The following OCA2 variants were observed in gnomAD, a reference collection of about 807,000 sequenced individuals.
OCA2 encodes P protein.
OCA2 carries 77 observed loss-of-function variants against 100.2 expected under a neutral mutation model. The ratio of observed to expected loss-of-function variants is 0.77; its 90% CI spans 0.64 to 0.93. OCA2 has a LOEUF of 0.93. OCA2 is among the 40% of genes least tolerant of loss of function. The probability of loss-of-function intolerance (pLI) is 0.00; values close to 1 mark genes in which losing one functional copy is unlikely to be tolerated. For missense variants in OCA2, 1,062 were observed against 1,089.1 expected (o/e 0.98, Z 0.35); for synonymous variants, 432 against 439.2 (o/e 0.98, Z 0.21).
At chr15:27,722,906 A>T in the OCA2 span, among the ~76,000 whole-genome samples, 1 of 148,818 alleles carries the variant, frequency 6.7e-6, no homozygotes, top group Non-Finnish European at 1.5e-5. Flanking sequence ...CAGTGGCGTG[A>T]TCTTGACTCT....
chr15:28,050,288 GA>G (rs2043469577), intron 2 of OCA2, among the ~76,000 whole-genome samples: 1 of 151,708 alleles, frequency 6.6e-6, no homozygotes, highest in South Asian at 2.1e-4. Context: ...TTGTTTCACA[GA>G]AAAAAAGGAA....
rs1168047336 is a variant in OCA2 at position 28,032,122 on chromosome 15, T to G, written c.269A>C (p.Lys90Thr). ...SLPQMSSSRSKDSCFTENTPL... is the reference protein window; with the variant it reads ...SLPQMSSSRSTDSCFTENTPL... The stretch of plus-strand genomic sequence containing the variant: ...AGTGTTTTCTGTAAAGCAGGAATCT[T>G]TAGACCTGGAGCTGGACATCTGGGG... The change falls in exon 3 of 24, where the codon AAA becomes ACA. Residue 90 changes from lysine (K) to threonine (T), a missense_variant. Transcript: ENST00000354638. 6.2e-7 allele frequency: 1 copy of G among 1,614,076 alleles called. No homozygotes were observed. The highest frequency in any genetic ancestry group is 8.5e-7 in the Non-Finnish European group (1 of 1,179,972).
At chr15:27,981,685 C>A (rs1473421386) in intron 14 of OCA2, among the ~76,000 whole-genome samples, 2 of 152,246 alleles carry the variant, frequency 1.3e-5, no homozygotes, top group East Asian at 3.9e-4. Context: ...AAGCACTTGT[C>A]CCTCTCATCT....
At chr15:27,722,686 TTC>T in the OCA2 span, among the ~76,000 whole-genome samples, 227 of 146,560 alleles carry the variant, frequency 1.5e-3, 1 homozygote, top group African/African-American at 2.6e-3. Context: ...CTTTCTTTCT[TTC>T]TCTCTCTTTC....
the OCA2 span, among the ~76,000 whole-genome samples, chr15:27,743,940 CT>C: frequency 6.6e-6 from 1 of 152,202 alleles, no homozygotes; most frequent in African/African-American, 2.4e-5. Flanking sequence ...TGTCTACCAG[CT>C]GCTCCCTGGC....
At chr15:27,924,970 A>G (rs1381091117) in intron 19 of OCA2, among the ~76,000 whole-genome samples, 3 of 152,190 alleles carry the variant, frequency 2.0e-5, no homozygotes, top group Non-Finnish European at 4.4e-5. Flanking sequence ...AATAGACCCT[A>G]AGACAAAAAC....
At chr15:28,020,510 A>G (rs2042560360) in intron 6 of OCA2, among the ~76,000 whole-genome samples, 2 of 152,100 alleles carry the variant, frequency 1.3e-5, no homozygotes, top group African/African-American at 2.4e-5. Flanking sequence ...CCCCTGCGGG[A>G]AAGTCCTGCC....
At chr15:27,763,837 T>A (rs1212994897) in intron 23 of OCA2, among the ~76,000 whole-genome samples, 2 of 152,324 alleles carry the variant, frequency 1.3e-5, no homozygotes, top group East Asian at 3.9e-4. Flanking sequence ...TGTGTCCATT[T>A]AACAAGGCAG....
the OCA2 span, among the ~76,000 whole-genome samples, chr15:27,740,302 G>A: frequency 6.6e-6 from 1 of 152,094 alleles, no homozygotes; most frequent in South Asian, 2.1e-4. Context: ...GGCTGTGGAG[G>A]GACAGAAAAA....
intron 19 of OCA2, among the ~76,000 whole-genome samples, chr15:27,906,378 G>A (rs2038176846): frequency 6.6e-6 from 1 of 151,802 alleles, no homozygotes; most frequent in Non-Finnish European, 1.5e-5. Flanking sequence ...AAAGACAATA[G>A]ACAAAAATGA....
Position 27,983,498 on chromosome 15 carries a change from G to A in OCA2, c.1365-15C>T, listed in dbSNP as rs12910433. The A allele has an allele frequency of 0.63, 1,017,966 of 1,612,918 alleles. 345,499 individuals are homozygous for A. Among genetic ancestry groups the A allele is most frequent in the Non-Finnish European group, 0.71 (836,201 of 1,179,044 alleles). ...CCTCACACAACCTGTCACAAATGGAGGAAAATGAAAGTAGTCCCACTATAC... is the reference window on the plus strand; with the variant it reads ...CCTCACACAACCTGTCACAAATGGAAGAAAATGAAAGTAGTCCCACTATAC... On this transcript the variant is annotated splice_polypyrimidine_tract_variant and intron_variant, in intron 13 of 23. Coordinates refer to ENST00000354638, the MANE Select transcript of OCA2 (RefSeq NM_000275.3).
chr15:27,796,362 T>A (rs1400450205), intron 23 of OCA2, among the ~76,000 whole-genome samples: 1 of 152,280 alleles, frequency 6.6e-6, no homozygotes, highest in Non-Finnish European at 1.5e-5. Context: ...AGCAAGCCCC[T>A]GTCCCACGTG....
chr15:27,944,900 A>C (rs2039778648), intron 18 of OCA2, among the ~76,000 whole-genome samples: 1 of 152,178 alleles, frequency 6.6e-6, no homozygotes, highest in Non-Finnish European at 1.5e-5. Context: ...GGTCTACCTC[A>C]GCAGTGGGCA....
In OCA2 at chr15:27,966,774, G is replaced by C; in HGVS notation, c.1552C>G (p.Leu518Val). 3.1e-6 allele frequency: 5 copies of C among 1,613,588 alleles called. No individual in the cohort carries two copies. The highest frequency in any genetic ancestry group is 4.2e-6 in the Non-Finnish European group (5 of 1,179,970). The part of the protein sequence containing the change: ...FTAHMFIGIC[L>V]VLLVCFPLLR... The stretch of plus-strand genomic sequence containing the variant: ...AGCGGAAAGCAGACCAGGAGAACAA[G>C]GCAAATCCCAATGAACATGTGTGCA... Residue 518 changes from leucine to valine, a missense_variant, in exon 15 of 24, where the codon CTT becomes GTT. Leu to Val is a conservative substitution (Grantham distance 32). Transcript: ENST00000354638.
intron 23 of OCA2, among the ~76,000 whole-genome samples, chr15:27,830,687 T>C (rs1250260725): frequency 6.6e-6 from 1 of 152,112 alleles, no homozygotes; most frequent in Non-Finnish European, 1.5e-5. Flanking sequence ...GAGGGGAGAT[T>C]TGATCACAGA....
chr15:27,729,724 G>A, the OCA2 span, among the ~76,000 whole-genome samples: 1 of 152,140 alleles, frequency 6.6e-6, no homozygotes, highest in Admixed American at 6.5e-5. Flanking sequence ...ACTCATGGTT[G>A]TTATTAAATT....
chr15:27,925,481 A>G (rs1052500802), intron 19 of OCA2, among the ~76,000 whole-genome samples: 30 of 152,222 alleles, frequency 2.0e-4, no homozygotes, highest in African/African-American at 7.0e-4. Flanking sequence ...GAAATAACCC[A>G]TAAGTCAAAA....
At chr15:27,872,816 A>G (rs1056629171) in intron 19 of OCA2, among the ~76,000 whole-genome samples, 1 of 151,722 alleles carries the variant, frequency 6.6e-6, no homozygotes, top group Non-Finnish European at 1.5e-5. Flanking sequence ...CAGCCTCCCA[A>G]GTAGCTGGGA....
chr15:27,841,019 G>A (rs1029715456), intron 23 of OCA2, among the ~76,000 whole-genome samples: 3 of 152,176 alleles, frequency 2.0e-5, no homozygotes, highest in Admixed American at 2.0e-4. Context: ...GGGAGAAAAT[G>A]TCCTATCTGC....
Sources: allele counts gnomAD v4.1 joint callset (sites outside exome capture counted in the v4.1 genomes callset), GRCh38; gene constraint gnomAD v4.1.1; transcripts MANE v1.5; gene names NCBI Gene and HGNC (gene_info 2026-07-23, HGNC 2026-07-21).